The following TARP variants were observed in gnomAD, a reference collection of about 807,000 sequenced individuals.
the TARP span, chr7:38,265,373 T>C: frequency 1.2e-6 from 2 of 1,611,624 alleles, no homozygotes; most frequent in Non-Finnish European, 1.7e-6. Flanking sequence ...GGAAAGATAA[T>C]TTCTTGATCA....
At chr7:38,273,396 G>T in the TARP span, among the ~76,000 whole-genome samples, 1 of 151,046 alleles carries the variant, frequency 6.6e-6, no homozygotes, top group Non-Finnish European at 1.5e-5. Flanking sequence ...GTTGGTCTAA[G>T]CTCCTTAGTA....
At chr7:38,265,678 T>A in the TARP span, 7 of 1,579,008 alleles carry the variant, frequency 4.4e-6, no homozygotes, top group Non-Finnish European at 6.0e-6. Flanking sequence ...AAGTTGTTTA[T>A]CTATGGGGAG....
the TARP span, chr7:38,262,194 T>C: frequency 8.1e-6 from 13 of 1,612,432 alleles, no homozygotes; most frequent in Non-Finnish European, 1.0e-5. Context: ...TGAACAATTG[T>C]CTTTGGGATC....
the TARP span, among the ~76,000 whole-genome samples, chr7:38,262,640 TTTTG>T: frequency 5.7e-4 from 87 of 151,320 alleles, 1 homozygote; most frequent in Admixed American, 2.6e-3. Context: ...ATTAATTTTG[TTTTG>T]TTTGTTTGTT....
chr7:38,268,369 T>A, the TARP span, among the ~76,000 whole-genome samples: 2 of 151,686 alleles, frequency 1.3e-5, no homozygotes, highest in East Asian at 3.9e-4. Context: ...GACGGTATGA[T>A]ATATTAAATC....
chr7:38,268,322 A>T, the TARP span, among the ~76,000 whole-genome samples: 1 of 151,698 alleles, frequency 6.6e-6, no homozygotes, highest in Non-Finnish European at 1.5e-5. Context: ...AAAATGCAGC[A>T]TTGTAAATTT....
chr7:38,267,177 A>G, the TARP span, among the ~76,000 whole-genome samples: 11 of 151,676 alleles, frequency 7.3e-5, no homozygotes, highest in Non-Finnish European at 1.3e-4. Flanking sequence ...TTAAAGCTCC[A>G]TTATTCTCTT....
At chr7:38,271,770 A>G in the TARP span, among the ~76,000 whole-genome samples, 3 of 151,544 alleles carry the variant, frequency 2.0e-5, no homozygotes, top group East Asian at 5.8e-4. Flanking sequence ...TGCCTTAGAA[A>G]GCTGTTCTGA....
chr7:38,262,650 T>G, the TARP span, among the ~76,000 whole-genome samples: 11 of 151,362 alleles, frequency 7.3e-5, no homozygotes, highest in African/African-American at 2.4e-4. Flanking sequence ...TTTTGTTTGT[T>G]TGTTTGTTTG....
At chr7:38,271,927 T>C in the TARP span, among the ~76,000 whole-genome samples, 3 of 151,622 alleles carry the variant, frequency 2.0e-5, no homozygotes, top group South Asian at 2.1e-4. Context: ...TTAAATGTTA[T>C]AGGTAGACAT....
the TARP span, among the ~76,000 whole-genome samples, chr7:38,264,356 C>G: frequency 6.6e-6 from 1 of 151,452 alleles, no homozygotes; most frequent in African/African-American, 2.4e-5. Context: ...ACTTGGAGGC[C>G]GAGGTGGATG....
the TARP span, chr7:38,262,137 T>A: frequency 6.3e-7 from 1 of 1,587,090 alleles, no homozygotes; most frequent in Non-Finnish European, 8.6e-7. Flanking sequence ...CAAAACAAAA[T>A]GATCAGGAGG....
chr7:38,272,520 AAAAC>A, the TARP span, among the ~76,000 whole-genome samples: 3 of 143,044 alleles, frequency 2.1e-5, no homozygotes, highest in Admixed American at 7.5e-5. Context: ...CCAACTTTGT[AAAAC>A]AAACAAACAA....
At chr7:38,262,779 T>C in the TARP span, among the ~76,000 whole-genome samples, 1 of 151,310 alleles carries the variant, frequency 6.6e-6, no homozygotes, top group Non-Finnish European at 1.5e-5. Flanking sequence ...CTCAGCCTTC[T>C]GAGTAGCTGG....
At chr7:38,271,629 A>G in the TARP span, among the ~76,000 whole-genome samples, 3 of 151,502 alleles carry the variant, frequency 2.0e-5, no homozygotes, top group African/African-American at 7.3e-5. Context: ...ACTTCATACA[A>G]CTGTAGAATA....
the TARP span, chr7:38,265,596 T>A: frequency 5.0e-6 from 8 of 1,612,074 alleles, no homozygotes; most frequent in East Asian, 1.8e-4. Context: ...AAAGGTATGT[T>A]CCAGCCTTCT....
At chr7:38,262,958 C>G in the TARP span, among the ~76,000 whole-genome samples, 1 of 151,766 alleles carries the variant, frequency 6.6e-6, no homozygotes, top group African/African-American at 2.4e-5. Flanking sequence ...CACACTCGGC[C>G]AAGAATTCTT....
At chr7:38,265,902 C>T in the TARP span, among the ~76,000 whole-genome samples, 1 of 151,678 alleles carries the variant, frequency 6.6e-6, no homozygotes, top group Non-Finnish European at 1.5e-5. Flanking sequence ...CCAAAAGTCA[C>T]AGCTCTCAAA....
At chr7:38,273,505 G>C in the TARP span, 1 of 1,123,828 alleles carries the variant, frequency 8.9e-7, no homozygotes, top group Non-Finnish European at 1.3e-6. Context: ...TGACCAAGGA[G>C]GGAATCCTAG....
Sources: allele counts gnomAD v4.1 joint callset (sites outside exome capture counted in the v4.1 genomes callset), GRCh38; gene constraint gnomAD v4.1.1; transcripts MANE v1.5.